Variants in TTC23 observed in about 807,000 individuals in gnomAD.
The protein encoded by TTC23 is tetratricopeptide repeat protein 23.
TTC23 carries 58 observed loss-of-function variants against 55.1 expected under a neutral mutation model. That is an observed-to-expected ratio of 1.05 (90% CI 0.85 to 1.31). The LOEUF is 1.31. TTC23 is among the 50% of genes most tolerant of loss of function. The pLI is 0.00. For missense variants in TTC23, 516 were observed against 534.4 expected, an observed-to-expected ratio of 0.97 and a Z score of 0.34; for synonymous variants, 203 against 199.9, an observed-to-expected ratio of 1.02 and a Z score of -0.13.
intron 13 of TTC23, among the ~76,000 whole-genome samples, chr15:99,138,436 C>T (rs2067808136): frequency 6.6e-6 from 1 of 152,106 alleles, no homozygotes; most frequent in African/African-American, 2.4e-5. Context: ...GCCTCAGTCT[C>T]CCGAGTAGCC....
At chr15:99,220,298 G>A (rs2077815203) in intron 6 of TTC23, among the ~76,000 whole-genome samples, 1 of 152,170 alleles carries the variant, frequency 6.6e-6, no homozygotes, top group Admixed American at 6.5e-5. Flanking sequence ...AAAACAACAT[G>A]CCTGGCACCA....
At chr15:99,229,083 C>CAT (rs150846192) in intron 4 of TTC23, among the ~76,000 whole-genome samples, 17,672 of 141,748 alleles carry the variant, frequency 0.12, 1,145 homozygotes, top group Admixed American at 0.2. Flanking sequence ...TTTGTATGTA[C>CAT]ATATATATAT....
chr15:99,172,506 T>G (rs2073079592), intron 10 of TTC23, among the ~76,000 whole-genome samples: 1 of 152,134 alleles, frequency 6.6e-6, no homozygotes, highest in Non-Finnish European at 1.5e-5. Context: ...GGAGGAGACA[T>G]GTGAAGTGCC....
intron 3 of TTC23, among the ~76,000 whole-genome samples, chr15:99,239,434 G>A (rs1335308273): frequency 2.0e-5 from 3 of 151,790 alleles, no homozygotes; most frequent in South Asian, 2.1e-4. Context: ...GCAGTGAGCC[G>A]AGACCACACC....
intron 9 of TTC23, among the ~76,000 whole-genome samples, chr15:99,180,750 G>A (rs1242556020): frequency 1.3e-5 from 2 of 152,168 alleles, no homozygotes; most frequent in Non-Finnish European, 2.9e-5. Context: ...ATAATTTGGG[G>A]TTCAGTGACA....
intron 5 of TTC23, among the ~76,000 whole-genome samples, chr15:99,227,545 C>T (rs1358167363): frequency 6.6e-6 from 1 of 152,174 alleles, no homozygotes; most frequent in Non-Finnish European, 1.5e-5. Context: ...ATCAGACCTG[C>T]TCATGGCATG....
intron 8 of TTC23, among the ~76,000 whole-genome samples, chr15:99,205,479 G>C (rs1011306870): frequency 6.6e-6 from 1 of 151,464 alleles, no homozygotes; most frequent in Non-Finnish European, 1.5e-5. Context: ...ATGTTTTATA[G>C]TTTTCATTGT....
chr15:99,188,356 T>A (rs779899921), intron 9 of TTC23, among the ~76,000 whole-genome samples: 4 of 151,976 alleles, frequency 2.6e-5, no homozygotes, highest in Non-Finnish European at 5.9e-5. Flanking sequence ...GAGGAATGAC[T>A]GCCAATGGGT....
intron 11 of TTC23, chr15:99,160,262 G>A: frequency 6.6e-6 from 1 of 151,980 alleles, no homozygotes; most frequent in East Asian, 1.9e-4. Flanking sequence ...GAGCTGTGGG[G>A]GAGGAGGTCT....
intron 10 of TTC23, among the ~76,000 whole-genome samples, chr15:99,173,470 C>T (rs533397314): frequency 1.3e-5 from 2 of 152,218 alleles, no homozygotes; most frequent in South Asian, 2.1e-4. Flanking sequence ...CCTGTAGTCC[C>T]ACCTACTTCG....
At chr15:99,178,743 C>T (rs1000007585) in intron 9 of TTC23, among the ~76,000 whole-genome samples, 3 of 152,148 alleles carry the variant, frequency 2.0e-5, no homozygotes, top group African/African-American at 7.2e-5. Context: ...ATGAGATTGG[C>T]CTGTACTCAA....
chr15:99,212,351 T>C lies in TTC23; in HGVS notation c.581+6237A>G, dbSNP rs996025069. On this transcript the variant is annotated intron_variant, in intron 8 of 13. Transcript: ENST00000394132. ...AAAGACAACTATTTCTCTCTGGGCA[T>C]CTATCAATAACCAGGATAGAAAATA... 3.9e-5 allele frequency among the ~76,000 whole-genome samples: 6 copies of C among 152,290 alleles called. 1 individual carries two copies. The South Asian group carries it at 1.0e-3, about 26-fold the overall frequency.
At chr15:99,244,483 T>G (rs2080068823) in intron 2 of TTC23, among the ~76,000 whole-genome samples, 1 of 152,120 alleles carries the variant, frequency 6.6e-6, no homozygotes, top group African/African-American at 2.4e-5. Flanking sequence ...TAAATAAAAT[T>G]GTATTTTTAT....
chr15:99,199,370 C>T (rs1419457626), intron 9 of TTC23, among the ~76,000 whole-genome samples: 1 of 144,196 alleles, frequency 6.9e-6, no homozygotes, highest in Non-Finnish European at 1.5e-5. Context: ...GAGTTTGAAA[C>T]CAGCCTGGGC....
chr15:99,170,165 T>A (rs968313178), intron 10 of TTC23, among the ~76,000 whole-genome samples: 5 of 152,224 alleles, frequency 3.3e-5, no homozygotes, highest in African/African-American at 1.2e-4. Flanking sequence ...GAGCCTGAAT[T>A]GGGAATCTTT....
intron 10 of TTC23, among the ~76,000 whole-genome samples, chr15:99,166,537 G>A (rs1201859195): frequency 6.6e-6 from 1 of 152,204 alleles, no homozygotes; most frequent in African/African-American, 2.4e-5. Flanking sequence ...AGGAAGGAAG[G>A]GAGGAGAGTG....
chr15:99,200,664 C>T (rs567994467), intron 8 of TTC23, among the ~76,000 whole-genome samples: 1 of 152,264 alleles, frequency 6.6e-6, no homozygotes, highest in African/African-American at 2.4e-5. Flanking sequence ...AAATCATACA[C>T]ATATATGTAC....
chr15:99,162,886 C>T (rs1306973162), intron 10 of TTC23, among the ~76,000 whole-genome samples: 1 of 151,874 alleles, frequency 6.6e-6, no homozygotes, highest in African/African-American at 2.4e-5. Flanking sequence ...TCAAGACCAG[C>T]TTGGTCAACA....
chr15:99,228,135 G>T (rs558053397), intron 5 of TTC23, among the ~76,000 whole-genome samples: 1 of 152,306 alleles, frequency 6.6e-6, no homozygotes, highest in South Asian at 2.1e-4. Context: ...ACATATAAGA[G>T]GTGATAGAGA....
Sources: allele counts gnomAD v4.1 joint callset (sites outside exome capture counted in the v4.1 genomes callset), GRCh38; gene constraint gnomAD v4.1.1; transcripts MANE v1.5; gene names NCBI Gene and HGNC (gene_info 2026-07-23, HGNC 2026-07-21).